ZNF786: variants seen among roughly 807,000 people sequenced by gnomAD.
The protein encoded by ZNF786 is zinc finger protein 786.
Under a neutral mutation model 63.1 loss-of-function variants are expected in ZNF786, and 56 were observed. The ratio of observed to expected loss-of-function variants is 0.89; its 90% confidence interval spans 0.72 to 1.11. ZNF786 has a LOEUF of 1.11. Ranked by LOEUF, ZNF786 falls within the 50% of genes least tolerant of loss-of-function variation. ZNF786 has a pLI of 0.00. For missense variants in ZNF786, 1,213 were observed against 1,041.8 expected, an observed-to-expected ratio of 1.16 and a Z score of -2.26; for synonymous variants, 485 against 406.9, an observed-to-expected ratio of 1.19 and a Z score of -2.31.
chr7:149,089,570 G>C (rs1415634772), intron 1 of ZNF786, among the ~76,000 whole-genome samples: 2 of 152,076 alleles, frequency 1.3e-5, no homozygotes, highest in African/African-American at 4.8e-5. Flanking sequence ...GCCCACCTCG[G>C]CCTCTCAAAG....
intron 3 of ZNF786, among the ~76,000 whole-genome samples, chr7:149,072,728 G>A (rs1049365272): frequency 6.6e-6 from 1 of 152,170 alleles, no homozygotes; most frequent in Non-Finnish European, 1.5e-5. Flanking sequence ...TGTAAGCTCT[G>A]GAATCAGTCT....
intron 3 of ZNF786, among the ~76,000 whole-genome samples, chr7:149,073,548 G>A (rs1349944554): frequency 6.6e-6 from 1 of 151,770 alleles, no homozygotes; most frequent in Non-Finnish European, 1.5e-5. Context: ...CTGGGTGACA[G>A]AGCAAGATCC....
intron 3 of ZNF786, among the ~76,000 whole-genome samples, chr7:149,073,731 G>GCA (rs1825479493): frequency 1.6e-5 from 1 of 61,634 alleles, no homozygotes; most frequent in Non-Finnish European, 3.0e-5. Context: ...GTGCGTGTGT[G>GCA]TGTGTGTGTG....
intron 3 of ZNF786, 93 bp from the exon 4 acceptor site, chr7:149,072,566 TG>T: frequency 7.1e-7 from 1 of 1,401,084 alleles, no homozygotes; most frequent in Non-Finnish European, 9.4e-7. Context: ...TGCCTTGTGG[TG>T]GCCTGGGAAC....
At chr7:149,079,282 G>A (rs1439883144) in intron 2 of ZNF786, among the ~76,000 whole-genome samples, 1 of 151,858 alleles carries the variant, frequency 6.6e-6, no homozygotes, top group African/African-American at 2.4e-5. Context: ...AGTGGTGGGC[G>A]CCTGTAGTCC....
intron 2 of ZNF786, 114 bp from the exon 3 acceptor site, chr7:149,074,652 A>G: frequency 8.0e-7 from 1 of 1,255,706 alleles, no homozygotes; most frequent in South Asian, 1.7e-5. Flanking sequence ...CATGTCAAAA[A>G]AAAAAAAACA....
At position 149,090,624 on chromosome 7, in the gene ZNF786, CGAG is replaced by C. The variant is rs1447476652; in HGVS notation, c.14_16del (p.Pro5del). ...GTCCAAACAGGCTAGCCCGCTTACC[CGAG>C]GCGGCTCCGCCATGGTCCCCGCGGT... On this transcript the variant is annotated inframe_deletion and splice_region_variant, in exon 1 of 4. Coordinates refer to ENST00000491431, the MANE Select transcript of ZNF786 (RefSeq NM_152411.4). 2 of 1,591,360 alleles carry C rather than the reference CGAG, an allele frequency of 1.3e-6. No individual in the cohort carries two copies. The highest frequency in any genetic ancestry group is 2.7e-5 in the African/African-American group (2 of 73,484).
chr7:149,082,430 G>A (rs1204229233), intron 1 of ZNF786: 3 of 464,478 alleles, frequency 6.5e-6, no homozygotes, highest in East Asian at 3.2e-4. Context: ...GATACTTCCT[G>A]AGGCTCACAA....
chr7:149,076,722 A>G lies in ZNF786; in HGVS notation c.146-2184T>C, dbSNP rs80314919. Among the ~76,000 whole-genome samples, 349 of 145,570 alleles carry G rather than the reference A, an allele frequency of 2.4e-3. 1 individual carries two copies. The highest frequency in any genetic ancestry group is 3.9e-3 in the Non-Finnish European group (258 of 66,836). On this transcript the variant is annotated intron_variant, in intron 2 of 3. Coordinates refer to ENST00000491431, the MANE Select transcript of ZNF786 (RefSeq NM_152411.4). Reference sequence around the variant, plus strand: ...CAAGAGAGAGAGACTCCATCTTGAAAAAAAAAAAAAAAAAAACTACATAGA... The same window carrying G: ...CAAGAGAGAGAGACTCCATCTTGAAGAAAAAAAAAAAAAAAACTACATAGA...
intron 2 of ZNF786, among the ~76,000 whole-genome samples, chr7:149,077,012 G>A (rs764577772): frequency 2.6e-5 from 4 of 152,146 alleles, no homozygotes; most frequent in Non-Finnish European, 4.4e-5. Context: ...AAGTGGCTAT[G>A]CTGATTGACA....
At position 149,071,305 on chromosome 7, in the gene ZNF786, G is replaced by T. The variant is rs1218571625; in HGVS notation, c.1467C>A (p.Ser489Arg). The T allele has an allele frequency of 1.9e-6, 3 of 1,613,214 alleles. No homozygotes were observed. The highest frequency in any genetic ancestry group is 2.5e-6 in the Non-Finnish European group (3 of 1,179,832). ...KPFQCPECGL[S>R]FRLESMLRAH... ...CTCTCAGCATGCTCTCCAGGCGGAAGCTCAGCCCACACTCTGGGCACTGAA... is the reference window on the plus strand; with the variant it reads ...CTCTCAGCATGCTCTCCAGGCGGAATCTCAGCCCACACTCTGGGCACTGAA... The change falls in exon 4 of 4, where the codon AGC becomes AGA. Residue 489 changes from serine to arginine, a missense_variant. Transcript: ENST00000491431.
At chr7:149,078,557 G>GC in intron 2 of ZNF786, among the ~76,000 whole-genome samples, 1 of 152,094 alleles carries the variant, frequency 6.6e-6, no homozygotes, top group East Asian at 1.9e-4. Flanking sequence ...GGTGGCGCAT[G>GC]CCTGTAATCT....
chr7:149,086,626 T>TCACACACACACACACA (rs147898859), intron 1 of ZNF786, among the ~76,000 whole-genome samples: 1 of 147,608 alleles, frequency 6.8e-6, no homozygotes, highest in Non-Finnish European at 1.5e-5. Context: ...ACACTCTGTC[T>TCACACACACACACACA]CACACACACA....
chr7:149,082,584 A>ATT, intron 1 of ZNF786: 2 of 750,608 alleles, frequency 2.7e-6, no homozygotes, highest in African/African-American at 3.8e-5. Flanking sequence ...TTCCAACTTA[A>ATT]ATTTTTTTTT....
Position 149,070,540 on chromosome 7 carries a change from C to G in ZNF786, c.2232G>C (p.Lys744Asn). The change falls in exon 4 of 4, where the codon AAG (lysine) becomes AAC (asparagine). Residue 744 changes from lysine to asparagine, a missense_variant. Transcript: ENST00000491431. ...CTCTGATGTGCTCCGCAAGCTTAGA[C>G]TTGTAAATGAAGCCCTTCCCACAAT... Reference protein sequence around the residue: ...CGDCGKGFIYKSKLAEHIRVH... With the variant: ...CGDCGKGFIYNSKLAEHIRVH... 1 of 1,614,048 alleles carries G rather than the reference C, an allele frequency of 6.2e-7. No individual in the cohort carries two copies.
chr7:149,090,333 C>T (rs970372602), intron 1 of ZNF786, among the ~76,000 whole-genome samples: 12 of 151,738 alleles, frequency 7.9e-5, no homozygotes, highest in African/African-American at 2.9e-4. Context: ...TTTCCACCGT[C>T]CGCTCCCCGT....
Position 149,090,667 on chromosome 7 carries a change from G to A in ZNF786, c.-27C>T, listed in dbSNP as rs777712845. ...GTCCCCGCGGTCCCGCCCGGCCCTG[G>A]CAAACCCGACCGTCTCCGGCGGCTC... is the stretch of plus-strand genomic sequence containing the variant. On this transcript the variant is annotated 5_prime_UTR_variant, in exon 1 of 4. Transcript: ENST00000491431. 1.3e-6 allele frequency: 2 copies of A among 1,578,014 alleles called. No homozygotes were observed. Among genetic ancestry groups the A allele is most frequent in the African/African-American group, 1.4e-5 (1 of 72,842 alleles).
At chr7:149,075,697 T>C (rs1825535821) in intron 2 of ZNF786, among the ~76,000 whole-genome samples, 1 of 102,838 alleles carries the variant, frequency 9.7e-6, no homozygotes, top group African/African-American at 3.4e-5. Flanking sequence ...AGAGTCTCAC[T>C]GTGTCTCCCA....
In ZNF786 at chr7:149,090,670, A is replaced by C. The variant is rs1273596099; in HGVS notation, c.-30T>G. On this transcript the variant is annotated 5_prime_UTR_variant, in exon 1 of 4. Coordinates refer to ENST00000491431, the MANE Select transcript of ZNF786 (RefSeq NM_152411.4). Reference sequence around the variant, plus strand: ...CCCGCGGTCCCGCCCGGCCCTGGCAAACCCGACCGTCTCCGGCGGCTCCGC... The same window carrying C: ...CCCGCGGTCCCGCCCGGCCCTGGCACACCCGACCGTCTCCGGCGGCTCCGC... 1 of 1,576,378 alleles carries C rather than the reference A, an allele frequency of 6.3e-7. No individual in the cohort carries two copies. The highest frequency in any genetic ancestry group is 8.6e-7 in the Non-Finnish European group (1 of 1,159,758).
Sources: allele counts gnomAD v4.1 joint callset (sites outside exome capture counted in the v4.1 genomes callset), GRCh38; gene constraint gnomAD v4.1.1; transcripts MANE v1.5; gene names NCBI Gene and HGNC (gene_info 2026-07-23, HGNC 2026-07-21).